Variants in BNC2 observed in about 807,000 individuals in gnomAD.
BNC2 encodes zinc finger protein basonuclin-2.
A neutral mutation model predicts 76.3 loss-of-function variants in BNC2; 20 were observed. The ratio of observed to expected loss-of-function variants is 0.26; its 90% CI spans 0.18 to 0.38. The LOEUF is 0.38. Ranked by LOEUF, BNC2 falls within the 10% of genes least tolerant of loss-of-function variation. The pLI is 1.00. For missense variants in BNC2, 1,382 were observed against 1,399.8 expected, an observed-to-expected ratio of 0.99 and a Z score of 0.20; for synonymous variants, 582 against 514.8, an observed-to-expected ratio of 1.13 and a Z score of -1.77.
chr9:16,652,407 G>C (rs192243724), intron 3 of BNC2, among the ~76,000 whole-genome samples: 27 of 152,186 alleles, frequency 1.8e-4, no homozygotes, highest in African/African-American at 6.5e-4. Context: ...TAAACAAATA[G>C]GATGAATGTG....
intron 3 of BNC2, among the ~76,000 whole-genome samples, chr9:16,591,200 C>G (rs532486015): frequency 6.6e-6 from 1 of 152,234 alleles, no homozygotes; most frequent in East Asian, 1.9e-4. Flanking sequence ...CGAAAAAATT[C>G]TGCATTTTTT....
chr9:16,526,467 C>CTTTTTTTTTTTTT (rs144511624), intron 5 of BNC2, among the ~76,000 whole-genome samples: 2 of 48,790 alleles, frequency 4.1e-5, no homozygotes, highest in Non-Finnish European at 7.4e-5. Context: ...TAGTTTAATG[C>CTTTTTTTTTTTTT]TTTTTTTTTT....
At chr9:16,781,113 T>C (rs1826142199) in intron 1 of BNC2, among the ~76,000 whole-genome samples, 4 of 152,250 alleles carry the variant, frequency 2.6e-5, no homozygotes, top group African/African-American at 9.6e-5. Flanking sequence ...AATTGTTTCA[T>C]GTTTTTATTA....
At chr9:16,749,513 AAC>A (rs1825119790) in intron 1 of BNC2, among the ~76,000 whole-genome samples, 1 of 152,098 alleles carries the variant, frequency 6.6e-6, no homozygotes, top group Non-Finnish European at 1.5e-5. Context: ...CAGCCTGGGT[AAC>A]AGAGTGAGAT....
intron 4 of BNC2, among the ~76,000 whole-genome samples, chr9:16,568,853 T>C (rs1819238168): frequency 6.6e-6 from 1 of 152,140 alleles, no homozygotes; most frequent in African/African-American, 2.4e-5. Flanking sequence ...GATCTGCACA[T>C]TTTATTCACT....
At chr9:16,596,132 T>C (rs1224272422) in intron 3 of BNC2, among the ~76,000 whole-genome samples, 1 of 152,088 alleles carries the variant, frequency 6.6e-6, no homozygotes, top group Admixed American at 6.6e-5. Context: ...GGTGCCTTTC[T>C]ACAAATTAGT....
At chr9:16,803,195 G>C (rs753980878) in intron 1 of BNC2, among the ~76,000 whole-genome samples, 1 of 152,146 alleles carries the variant, frequency 6.6e-6, no homozygotes, top group Non-Finnish European at 1.5e-5. Context: ...CCACTCCTTG[G>C]CTCAATTGTG....
intron 4 of BNC2, among the ~76,000 whole-genome samples, chr9:16,565,904 A>G (rs1238144584): frequency 1.3e-5 from 2 of 152,070 alleles, no homozygotes; most frequent in Non-Finnish European, 2.9e-5. Context: ...ATGGGGTGGG[A>G]GTCGGGTATT....
chr9:16,669,931 C>G (rs1304065755), intron 3 of BNC2, among the ~76,000 whole-genome samples: 1 of 152,160 alleles, frequency 6.6e-6, no homozygotes, highest in Non-Finnish European at 1.5e-5. Flanking sequence ...AATAGTTAAC[C>G]TTATAATTTG....
chr9:16,685,059 T>C (rs1373173428), intron 3 of BNC2, among the ~76,000 whole-genome samples: 1 of 152,202 alleles, frequency 6.6e-6, no homozygotes, highest in Non-Finnish European at 1.5e-5. Context: ...GACCATATTG[T>C]AGGAAGCATG....
At chr9:16,653,534 TC>T (rs1478492163) in intron 3 of BNC2, among the ~76,000 whole-genome samples, 7 of 151,994 alleles carry the variant, frequency 4.6e-5, no homozygotes, top group Admixed American at 3.3e-4. Flanking sequence ...GAATCCTGCC[TC>T]CAATTTTCTG....
intron 3 of BNC2, among the ~76,000 whole-genome samples, chr9:16,651,537 C>T (rs967623664): frequency 5.9e-5 from 9 of 152,182 alleles, no homozygotes; most frequent in African/African-American, 1.9e-4. Context: ...ACAAAACTCC[C>T]AGCTCTGGCT....
chr9:16,797,494 T>C (rs1817686874), intron 1 of BNC2, among the ~76,000 whole-genome samples: 1 of 152,082 alleles, frequency 6.6e-6, no homozygotes, highest in Admixed American at 6.6e-5. Context: ...CACAACACAC[T>C]AGGAAGTTAC....
At chr9:16,632,774 G>C (rs72704065) in intron 3 of BNC2, among the ~76,000 whole-genome samples, 408 of 152,302 alleles carry the variant, frequency 2.7e-3, no homozygotes, top group Non-Finnish European at 4.6e-3. Flanking sequence ...AGATGCAAGA[G>C]TGTGATGCAA....
At chr9:16,819,672 T>C (rs970891554) in intron 1 of BNC2, among the ~76,000 whole-genome samples, 3 of 151,652 alleles carry the variant, frequency 2.0e-5, no homozygotes, top group Non-Finnish European at 4.4e-5. Flanking sequence ...AAAAGAAATA[T>C]GCAGTCCAAA....
intron 3 of BNC2, among the ~76,000 whole-genome samples, chr9:16,630,646 G>C (rs1177631681): frequency 1.3e-5 from 2 of 151,676 alleles, no homozygotes; most frequent in Non-Finnish European, 2.9e-5. Context: ...TTTTTAAACA[G>C]TGTGAGAAAT....
intron 3 of BNC2, among the ~76,000 whole-genome samples, chr9:16,606,894 G>C (rs1457852873): frequency 6.6e-6 from 1 of 152,194 alleles, no homozygotes; most frequent in Non-Finnish European, 1.5e-5. Flanking sequence ...GAATTTATCT[G>C]CACAAGCTCC....
intron 5 of BNC2, among the ~76,000 whole-genome samples, chr9:16,501,619 A>T (rs984512368): frequency 5.9e-5 from 9 of 152,190 alleles, no homozygotes; most frequent in Non-Finnish European, 1.2e-4. Flanking sequence ...AGTCTGCATA[A>T]CATAGAGTAT....
At chr9:16,819,536 G>T (rs1440527313) in intron 1 of BNC2, among the ~76,000 whole-genome samples, 1 of 151,966 alleles carries the variant, frequency 6.6e-6, no homozygotes. Flanking sequence ...GGTGGTGTGT[G>T]CCTGTAATTC....
Sources: allele counts gnomAD v4.1 joint callset (sites outside exome capture counted in the v4.1 genomes callset), GRCh38; gene constraint gnomAD v4.1.1; transcripts MANE v1.5; gene names NCBI Gene and HGNC (gene_info 2026-07-23, HGNC 2026-07-21).